ABLIM3: variants seen among roughly 807,000 people sequenced by gnomAD.
ABLIM3 encodes actin binding LIM protein family member 3.
A neutral mutation model predicts 109.5 loss-of-function variants in ABLIM3; 61 were observed. That is an observed-to-expected ratio of 0.56 (90% confidence interval 0.45 to 0.69). ABLIM3 has a LOEUF of 0.69. Among genes scored for constraint, ABLIM3 ranks in the 30% least tolerant of loss-of-function variants. The pLI, the probability that ABLIM3 is intolerant of heterozygous loss-of-function variation, is 0.00. For missense variants in ABLIM3, 796 were observed against 889.5 expected (o/e 0.89, Z 1.34); for synonymous variants, 300 against 324.8 (o/e 0.92, Z 0.82).
intron 6 of ABLIM3, among the ~76,000 whole-genome samples, chr5:149,208,390 T>TCTCTCTC (rs1759224519): frequency 8.2e-6 from 1 of 121,470 alleles, no homozygotes; most frequent in South Asian, 2.7e-4. Context: ...CTCTCTCAAT[T>TCTCTCTC]TCTCTTTCTC....
chr5:149,239,488 C>T (rs980781034), intron 12 of ABLIM3, among the ~76,000 whole-genome samples: 9 of 152,166 alleles, frequency 5.9e-5, no homozygotes, highest in African/African-American at 2.2e-4. Flanking sequence ...GAGATGGCCT[C>T]CCTCAGGCTT....
Position 149,183,566 on chromosome 5 carries a change from A to G in ABLIM3, c.128A>G (p.His43Arg). The change falls in exon 3 of 24, where the codon CAC becomes CGC. Residue 43 changes from histidine (H) to arginine (R), a missense_variant. His to Arg is a conservative substitution (Grantham distance 29, BLOSUM62 0). Transcript: ENST00000309868. ...GTCCGCGTGCACAACAACCACTTCC[A>G]CATCAGATGCTTCACCTGTCAAGGT... Reference protein sequence around the residue: ...EVVRVHNNHFHIRCFTCQVCG... With the variant: ...EVVRVHNNHFRIRCFTCQVCG... 6.4e-7 allele frequency: 1 copy of G among 1,571,232 alleles called. No individual in the cohort carries two copies. The highest frequency in any genetic ancestry group is 8.6e-7 in the Non-Finnish European group (1 of 1,160,330).
Position 149,146,903 on chromosome 5 carries a change from G to C in ABLIM3, c.13+4795G>C, listed in dbSNP as rs1752982613. ...GCATTGAATCTATAAATTGCTTTGG[G>C]CAGTATGGCTGTTTTAATGATATTG... is the stretch of plus-strand genomic sequence containing the variant. On this transcript the variant is annotated intron_variant, in intron 2 of 23. Transcript: ENST00000309868. 1.3e-5 allele frequency among the ~76,000 whole-genome samples: 2 copies of C among 152,146 alleles called. 1 individual carries two copies. The highest frequency in any genetic ancestry group is 4.1e-4 in the South Asian group (2 of 4,832).
Position 149,259,086 on chromosome 5 carries a change from G to C in ABLIM3, c.*682G>C. On this transcript the variant is annotated 3_prime_UTR_variant, in exon 24 of 24. Coordinates refer to ENST00000309868, the MANE Select transcript of ABLIM3 (RefSeq NM_014945.5). ...AGGATTCCTGGTAGGAAAAGGAAAAGGCCCTTCCCTTCCCTCCACCACTTC... is the reference window on the plus strand; with the variant it reads ...AGGATTCCTGGTAGGAAAAGGAAAACGCCCTTCCCTTCCCTCCACCACTTC... The C allele has an allele frequency of 2.0e-6, 2 of 1,008,904 alleles. No individual in the cohort carries two copies. Among genetic ancestry groups the C allele is most frequent in the Non-Finnish European group, 2.4e-6 (2 of 844,166 alleles). 62.5% of individuals were successfully genotyped at this position (1,008,904 alleles called of 1,614,324 possible). A position where few individuals can be genotyped will look rare whatever the true frequency, so the allele number is the denominator to read the frequency against.
At chr5:149,173,105 C>T (rs562652406) in intron 2 of ABLIM3, among the ~76,000 whole-genome samples, 63 of 152,252 alleles carry the variant, frequency 4.1e-4, no homozygotes, top group Non-Finnish European at 2.4e-4. Flanking sequence ...GAGGAAGGGA[C>T]GGAGTTGGAG....
chr5:149,219,771 C>T (rs1760458424), intron 8 of ABLIM3: 1 of 152,282 alleles, frequency 6.6e-6, no homozygotes, highest in Non-Finnish European at 1.5e-5. Context: ...GGAGTTTGCA[C>T]TTGGCTTGAA....
chr5:149,173,695 GGA>G (rs1482343579), intron 2 of ABLIM3, among the ~76,000 whole-genome samples: 1 of 152,114 alleles, frequency 6.6e-6, no homozygotes, highest in East Asian at 1.9e-4. Context: ...TGGCAGTACA[GGA>G]GAGAAGCTGG....
chr5:149,245,460 G>A lies in ABLIM3; in HGVS notation c.1486+445G>A, dbSNP rs575031289. ...AGGATTCCACTGGAGGAAAGAAAAGGCTGTCCACTTAACCTTGAACTCAGA... is the reference window on the plus strand; with the variant it reads ...AGGATTCCACTGGAGGAAAGAAAAGACTGTCCACTTAACCTTGAACTCAGA... On this transcript the variant is annotated intron_variant, in intron 16 of 23. Coordinates refer to ENST00000309868, the MANE Select transcript of ABLIM3 (RefSeq NM_014945.5). Among the ~76,000 whole-genome samples, 368 of 152,286 alleles carry A rather than the reference G, an allele frequency of 2.4e-3. 1 individual carries two copies. The highest frequency in any genetic ancestry group is 8.1e-3 in the African/African-American group (336 of 41,552).
intron 13 of ABLIM3, 64 bp from the exon 14 acceptor site, chr5:149,240,612 C>A: frequency 7.5e-7 from 1 of 1,329,160 alleles, no homozygotes; most frequent in Non-Finnish European, 1.1e-6. Flanking sequence ...AAACTGCCAC[C>A]GCGTTAATGC....
At chr5:149,143,472 T>C (rs777722298) in intron 2 of ABLIM3, among the ~76,000 whole-genome samples, 8 of 151,892 alleles carry the variant, frequency 5.3e-5, no homozygotes, top group Non-Finnish European at 8.8e-5. Flanking sequence ...CAAGACCTTA[T>C]TGAAGCTGTA....
chr5:149,246,497 G>A lies in ABLIM3; in HGVS notation c.1502G>A (p.Arg501Lys), dbSNP rs765842596. Residue 501 changes from arginine to lysine, a missense_variant, in exon 17 of 24, where the codon AGG (arginine) becomes AAG (lysine). Transcript: ENST00000309868. ...HGSPKVPRAR[R>K]FSSGGEEDDF... ...CTTTTGACAGTGCCCCGAGCCAGAAGGTTCTCGTCTGGAGGAGAGGAGGAT... is the reference window on the plus strand; with the variant it reads ...CTTTTGACAGTGCCCCGAGCCAGAAAGTTCTCGTCTGGAGGAGAGGAGGAT... 3 of 1,614,042 alleles carry A rather than the reference G, an allele frequency of 1.9e-6. No individual in the cohort carries two copies. Among genetic ancestry groups the A allele is most frequent in the African/African-American group, 1.3e-5 (1 of 74,922 alleles).
At chr5:149,238,661 C>G (rs1231219470) in intron 11 of ABLIM3, among the ~76,000 whole-genome samples, 1 of 152,252 alleles carries the variant, frequency 6.6e-6, no homozygotes, top group African/African-American at 2.4e-5. Flanking sequence ...GCACTTCTGT[C>G]TTTCTTGGAA....
chr5:149,253,349 C>T (rs1043717588), intron 23 of ABLIM3, among the ~76,000 whole-genome samples: 2 of 152,186 alleles, frequency 1.3e-5, no homozygotes, highest in Non-Finnish European at 2.9e-5. Context: ...GGTTCAAACT[C>T]TGATTCTGCC....
At chr5:149,146,434 T>A (rs1752932718) in intron 2 of ABLIM3, among the ~76,000 whole-genome samples, 1 of 152,228 alleles carries the variant, frequency 6.6e-6, no homozygotes, top group Non-Finnish European at 1.5e-5. Flanking sequence ...CTTCTAGAAT[T>A]CTTATAGTTT....
At chr5:149,181,387 A>G (rs1756442979) in intron 2 of ABLIM3, among the ~76,000 whole-genome samples, 1 of 152,188 alleles carries the variant, frequency 6.6e-6, no homozygotes, top group South Asian at 2.1e-4. Flanking sequence ...CAGTTTTTGA[A>G]ATATTTTGCA....
Position 149,239,849 on chromosome 5 carries a change from C to A in ABLIM3, c.1165C>A (p.Pro389Thr), listed in dbSNP as rs767735993. 1 of 1,610,580 alleles carries A rather than the reference C, an allele frequency of 6.2e-7. No individual in the cohort carries two copies. Among genetic ancestry groups the A allele is most frequent in the Non-Finnish European group, 8.5e-7 (1 of 1,178,224 alleles). ...CACCTACAGCCGGCAGGGCATGTCC[C>A]CCACCTTCTCCCGCTCACCTCACCA... is the stretch of plus-strand genomic sequence containing the variant. ...SPTYSRQGMS[P>T]TFSRSPHHYY... The change falls in exon 13 of 24, where the codon CCC becomes ACC. Residue 389 changes from proline to threonine, a missense_variant. Coordinates refer to ENST00000309868, the MANE Select transcript of ABLIM3 (RefSeq NM_014945.5).
chr5:149,240,972 G>A (rs748066), intron 14 of ABLIM3, among the ~76,000 whole-genome samples, 198 bp downstream of exon 14: 66,639 of 151,992 alleles, frequency 0.44, 14,862 homozygotes, highest in East Asian at 0.62. Flanking sequence ...GACAGAACCA[G>A]CCTCCATTAG....
intron 8 of ABLIM3, among the ~76,000 whole-genome samples, chr5:149,227,319 C>T (rs1761406776): frequency 6.6e-6 from 1 of 152,148 alleles, no homozygotes; most frequent in South Asian, 2.1e-4. Context: ...ATAGCTAATC[C>T]TTCACTTCCA....
chr5:149,143,865 T>C (rs1210332302), intron 2 of ABLIM3, among the ~76,000 whole-genome samples: 3 of 151,982 alleles, frequency 2.0e-5, no homozygotes, highest in African/African-American at 7.3e-5. Flanking sequence ...CTTCTCACTA[T>C]CTCTAGGAAA....
Sources: gnomAD v4.1 joint callset for allele counts (sites outside exome capture counted in the v4.1 genomes callset) on GRCh38, gnomAD v4.1.1 for gene constraint, MANE v1.5 for transcripts, NCBI Gene and HGNC (gene_info 2026-07-23, HGNC 2026-07-21) for gene names.